The following ATP6V1H variants were observed in gnomAD, a reference collection of about 807,000 sequenced individuals.
The protein encoded by ATP6V1H is V-type proton ATPase subunit H.
ATP6V1H carries 39 observed loss-of-function variants against 71.7 expected under a neutral mutation model. That is an observed-to-expected ratio of 0.54 (90% CI 0.42 to 0.71). The LOEUF (loss-of-function observed/expected upper bound fraction) is 0.71, where lower values mean the gene tolerates loss of function less well. Ranked by LOEUF, ATP6V1H falls within the 30% of genes least tolerant of loss-of-function variation. The pLI is 0.00. For synonymous variants in ATP6V1H, 192 were observed against 199.3 expected (o/e 0.96, Z 0.31); for missense variants, 509 against 594.9 (o/e 0.86, Z 1.50).
chr8:53,791,027 T>C (rs1809548002), intron 9 of ATP6V1H, among the ~76,000 whole-genome samples: 6 of 151,958 alleles, frequency 3.9e-5, no homozygotes, highest in Admixed American at 3.3e-4. Context: ...CTAAAAGATT[T>C]TGGCAAAATA....
At chr8:53,833,937 T>G (rs1333127215) in intron 2 of ATP6V1H, among the ~76,000 whole-genome samples, 2 of 152,122 alleles carry the variant, frequency 1.3e-5, no homozygotes, top group African/African-American at 4.8e-5. Flanking sequence ...TAAGACTATC[T>G]CTGGAGGTAG....
At chr8:53,793,166 C>T (rs988995351) in intron 9 of ATP6V1H, among the ~76,000 whole-genome samples, 2 of 152,192 alleles carry the variant, frequency 1.3e-5, no homozygotes, top group East Asian at 1.9e-4. Flanking sequence ...AAAAGATGCT[C>T]AGCCTCATTC....
At chr8:53,744,638 G>A (rs1278283783) in intron 12 of ATP6V1H, among the ~76,000 whole-genome samples, 1 of 152,110 alleles carries the variant, frequency 6.6e-6, no homozygotes, top group African/African-American at 2.4e-5. Flanking sequence ...AGTAGATGGG[G>A]GTCGGAGTGA....
chr8:53,839,588 T>G (rs537817868), intron 2 of ATP6V1H: 1 of 984,730 alleles, frequency 1.0e-6, no homozygotes, highest in East Asian at 1.1e-4. Flanking sequence ...CTGCTATAGC[T>G]TCTCTCTACC....
intron 9 of ATP6V1H, among the ~76,000 whole-genome samples, chr8:53,785,851 C>T (rs964219414): frequency 9.2e-5 from 14 of 152,258 alleles, no homozygotes; most frequent in African/African-American, 3.1e-4. Context: ...TGCAGAACAG[C>T]GGATATTCGT....
chr8:53,824,736 A>G (rs975893148), intron 4 of ATP6V1H, among the ~76,000 whole-genome samples: 4 of 152,156 alleles, frequency 2.6e-5, no homozygotes, highest in African/African-American at 9.6e-5. Flanking sequence ...CTTATAAGCC[A>G]TAAGAATTAA....
intron 13 of ATP6V1H, 33 bp downstream of exon 13, chr8:53,743,542 TAA>T: frequency 6.8e-7 from 1 of 1,464,016 alleles, no homozygotes; most frequent in Non-Finnish European, 9.6e-7. Context: ...GTTTGCAGAC[TAA>T]TGTACAAGTG....
rs201515456 is a variant in ATP6V1H, at chr8:53,796,691, ATT to A, written c.678-854_678-853del. Among the ~76,000 whole-genome samples, 786 of 152,334 alleles carry A rather than the reference ATT, an allele frequency of 5.2e-3. 22 individuals are homozygous for A. Among genetic ancestry groups the A allele is most frequent in the Admixed American group, 0.043 (664 of 15,300 alleles). On this transcript the variant is annotated intron_variant, in intron 8 of 13. Transcript: ENST00000359530. ...TATGGAAACTTACTAATAAAAATCTATTAACATTGGATCATCATTTGGAACAA... is the reference window on the plus strand; with the variant it reads ...TATGGAAACTTACTAATAAAAATCTAAACATTGGATCATCATTTGGAACAA...
chr8:53,769,490 C>A, intron 11 of ATP6V1H, 128 bp downstream of exon 11: 1 of 929,662 alleles, frequency 1.1e-6, no homozygotes, highest in Non-Finnish European at 1.6e-6. Flanking sequence ...GGCATTCAAC[C>A]ACATTAGTCA....
chr8:53,794,426 C>T (rs1334014973), intron 9 of ATP6V1H, among the ~76,000 whole-genome samples: 2 of 152,012 alleles, frequency 1.3e-5, no homozygotes, highest in Admixed American at 6.6e-5. Context: ...AGTGCAGTGG[C>T]GCGATCTCGG....
intron 6 of ATP6V1H, among the ~76,000 whole-genome samples, chr8:53,811,639 T>G (rs965859120): frequency 3.9e-5 from 6 of 152,214 alleles, no homozygotes; most frequent in African/African-American, 1.4e-4. Flanking sequence ...GTACAATATG[T>G]GACTTGGTTA....
intron 4 of ATP6V1H, among the ~76,000 whole-genome samples, chr8:53,823,212 G>A (rs1810717584): frequency 6.6e-6 from 1 of 151,520 alleles, no homozygotes; most frequent in Admixed American, 6.6e-5. Context: ...AAGGACACCT[G>A]GTATATTTAT....
intron 7 of ATP6V1H, among the ~76,000 whole-genome samples, chr8:53,802,684 C>T (rs1009057232): frequency 6.6e-6 from 1 of 152,088 alleles, no homozygotes; most frequent in South Asian, 2.1e-4. Flanking sequence ...CACACCACTG[C>T]ACTCCAGCCT....
At chr8:53,785,036 G>A (rs1563465941) in intron 9 of ATP6V1H, among the ~76,000 whole-genome samples, 1 of 152,094 alleles carries the variant, frequency 6.6e-6, no homozygotes, top group Non-Finnish European at 1.5e-5. Flanking sequence ...TCTTCTCGAG[G>A]AGTATCCTTG....
intron 11 of ATP6V1H, among the ~76,000 whole-genome samples, chr8:53,765,904 G>A (rs894611503): frequency 6.6e-6 from 1 of 152,222 alleles, no homozygotes; most frequent in Non-Finnish European, 1.5e-5. Flanking sequence ...TAAAGCCACA[G>A]TACTCAAAAG....
intron 13 of ATP6V1H, among the ~76,000 whole-genome samples, chr8:53,723,919 T>C (rs1326322732): frequency 1.3e-5 from 2 of 152,230 alleles, no homozygotes; most frequent in African/African-American, 2.4e-5. Context: ...ACTTTACAAG[T>C]AGGTGATGAA....
chr8:53,823,104 T>C (rs1163989307), intron 4 of ATP6V1H, among the ~76,000 whole-genome samples: 1 of 151,514 alleles, frequency 6.6e-6, no homozygotes, highest in Non-Finnish European at 1.5e-5. Flanking sequence ...AAAGTAAAGG[T>C]ATAGAAAACC....
intron 11 of ATP6V1H, among the ~76,000 whole-genome samples, chr8:53,763,529 A>G (rs1021195420): frequency 2.7e-4 from 41 of 152,322 alleles, no homozygotes; most frequent in Middle Eastern, 3.4e-3. Context: ...CAGAATCCCT[A>G]TTAGTCCAAA....
chr8:53,724,706 C>G (rs1426147227), intron 13 of ATP6V1H, among the ~76,000 whole-genome samples: 1 of 151,586 alleles, frequency 6.6e-6, no homozygotes, highest in African/African-American at 2.4e-5. Context: ...GTCTGCCCAG[C>G]CCACCCCTGG....
Sources: allele counts gnomAD v4.1 joint callset (sites outside exome capture counted in the v4.1 genomes callset), GRCh38; gene constraint gnomAD v4.1.1; transcripts MANE v1.5; gene names NCBI Gene and HGNC (gene_info 2026-07-23, HGNC 2026-07-21).